The following SATB2 variants were observed in gnomAD, a reference collection of about 807,000 sequenced individuals.
SATB2 encodes DNA-binding protein SATB2.
Under a neutral mutation model 73.4 loss-of-function variants are expected in SATB2, and 1 was observed. The ratio of observed to expected loss-of-function variants is 0.01; its 90% CI spans 0.00 to 0.06. The LOEUF is 0.06. Among genes scored for constraint, SATB2 ranks in the 10% least tolerant of loss-of-function variants. The pLI, the probability that SATB2 is intolerant of heterozygous loss-of-function variation, is 1.00. For synonymous variants in SATB2, 397 were observed against 367.0 expected (o/e 1.08, Z -0.93); for missense variants, 459 against 945.8 (o/e 0.49, Z 6.75).
intron 5 of SATB2, among the ~76,000 whole-genome samples, chr2:199,379,673 TTTTCTTTTC>T (rs1417932881): frequency 1.8e-5 from 2 of 108,854 alleles, no homozygotes; most frequent in African/African-American, 3.1e-5. Context: ...GTCTATTTTC[TTTTCTTTTC>T]TTTTTTTTTT....
chr2:199,444,225 T>C (rs537362021), intron 2 of SATB2, among the ~76,000 whole-genome samples: 1 of 152,234 alleles, frequency 6.6e-6, no homozygotes, highest in South Asian at 2.1e-4. Context: ...GGAAACCTTA[T>C]GTTCATCCTG....
intron 3 of SATB2, among the ~76,000 whole-genome samples, chr2:199,417,392 T>C (rs1691026487): frequency 1.3e-5 from 2 of 152,284 alleles, no homozygotes; most frequent in African/African-American, 4.8e-5. Flanking sequence ...TAGTCCCAGA[T>C]GTGCTTTGAG....
At chr2:199,338,292 C>A (rs969495312) in intron 7 of SATB2, among the ~76,000 whole-genome samples, 2 of 151,506 alleles carry the variant, frequency 1.3e-5, no homozygotes, top group Admixed American at 6.6e-5. Context: ...CACTTGAACT[C>A]GGGAGGCAGA....
intron 10 of SATB2, among the ~76,000 whole-genome samples, chr2:199,304,063 T>C (rs920255282): frequency 5.9e-5 from 9 of 152,174 alleles, no homozygotes; most frequent in Non-Finnish European, 1.2e-4. Flanking sequence ...TCTTCTCTCC[T>C]GCATGAGGGA....
chr2:199,401,217 T>C (rs1690463767), intron 3 of SATB2, among the ~76,000 whole-genome samples: 1 of 151,812 alleles, frequency 6.6e-6, no homozygotes, highest in African/African-American at 2.4e-5. Flanking sequence ...AATAAGAAAA[T>C]ATATAATTAA....
At chr2:199,458,507 G>A (rs1293964890), upstream of SATB2, 2 of 377,106 alleles carry the variant, frequency 5.3e-6, no homozygotes, top group South Asian at 3.7e-5. Context: ...GGCGCAGGCG[G>A]GCACCGGGGC....
At chr2:199,410,924 A>G (rs1205349721) in intron 3 of SATB2, among the ~76,000 whole-genome samples, 1 of 152,194 alleles carries the variant, frequency 6.6e-6, no homozygotes, top group Non-Finnish European at 1.5e-5. Flanking sequence ...TAAAACCATA[A>G]AATTCCCTTC....
At chr2:199,379,717 G>A (rs1303090257) in intron 5 of SATB2, among the ~76,000 whole-genome samples, 1 of 128,740 alleles carries the variant, frequency 7.8e-6, no homozygotes, top group Non-Finnish European at 1.6e-5. Context: ...ACAGGGTCTC[G>A]CTATCTTGCT....
intron 10 of SATB2, among the ~76,000 whole-genome samples, chr2:199,294,021 T>C (rs945174191): frequency 1.3e-5 from 2 of 152,200 alleles, no homozygotes; most frequent in Non-Finnish European, 2.9e-5. Context: ...TAATATCATA[T>C]GTTTGATCTG....
At chr2:199,436,892 C>G (rs1462234782) in intron 2 of SATB2, among the ~76,000 whole-genome samples, 1 of 148,222 alleles carries the variant, frequency 6.7e-6, no homozygotes, top group Non-Finnish European at 1.5e-5. Flanking sequence ...CAACTCGTCC[C>G]AGGCAAAAAG....
intron 2 of SATB2, among the ~76,000 whole-genome samples, chr2:199,448,192 CTATTAAAT>C (rs1692019576): frequency 6.6e-6 from 1 of 152,058 alleles, no homozygotes; most frequent in South Asian, 2.1e-4. Flanking sequence ...CGTCAGTAAG[CTATTAAAT>C]ATATCAATTT....
chr2:199,386,694 AAGCGCGCG>A lies in SATB2; in HGVS notation c.347-4882_347-4875del, dbSNP rs55725800. 3.9e-3 allele frequency among the ~76,000 whole-genome samples: 563 copies of A among 142,798 alleles called. 8 individuals are homozygous for A. Among genetic ancestry groups the A allele is most frequent in the East Asian group, 0.01 (49 of 4,676 alleles). 93.7% of individuals were successfully genotyped at this position (142,798 alleles called of 152,430 possible). A position where few individuals can be genotyped will look rare whatever the true frequency, so the allele number is the denominator to read the frequency against. On this transcript the variant is annotated intron_variant, in intron 3 of 10. Transcript: ENST00000417098. The stretch of plus-strand genomic sequence containing the variant: ...TAGGAAATATTTCATACACGTGCGC[AAGCGCGCG>A]CGCGCGCGCGCGCGCACACACACAC...
chr2:199,305,188 G>C (rs558044990), intron 10 of SATB2, among the ~76,000 whole-genome samples: 1 of 152,252 alleles, frequency 6.6e-6, no homozygotes, highest in East Asian at 1.9e-4. Flanking sequence ...TCAGAGGAGG[G>C]GAGACAGGGA....
At chr2:199,305,977 T>C (rs1687421384) in intron 10 of SATB2, among the ~76,000 whole-genome samples, 1 of 152,172 alleles carries the variant, frequency 6.6e-6, no homozygotes, top group Admixed American at 6.5e-5. Flanking sequence ...ACATTTCCTA[T>C]CTAATTAGAC....
At chr2:199,414,989 A>C (rs376886856) in intron 3 of SATB2, among the ~76,000 whole-genome samples, 118 of 152,326 alleles carry the variant, frequency 7.7e-4, no homozygotes, top group African/African-American at 2.8e-3. Context: ...AGCACTGAAG[A>C]AGCATGAAGT....
At chr2:199,353,793 A>G (rs531264519) in intron 6 of SATB2, among the ~76,000 whole-genome samples, 1 of 152,240 alleles carries the variant, frequency 6.6e-6, no homozygotes, top group Non-Finnish European at 1.5e-5. Context: ...ACACAGACCT[A>G]ACAGCAGTGC....
At chr2:199,290,304 C>T (rs1692818690) in intron 10 of SATB2, among the ~76,000 whole-genome samples, 1 of 152,230 alleles carries the variant, frequency 6.6e-6, no homozygotes, top group African/African-American at 2.4e-5. Context: ...TAGCTATCTG[C>T]TCTCATATCT....
At chr2:199,334,049 C>A (rs983533200) in intron 7 of SATB2, among the ~76,000 whole-genome samples, 1 of 152,008 alleles carries the variant, frequency 6.6e-6, no homozygotes, top group African/African-American at 2.4e-5. Context: ...AAACATGTAC[C>A]TTTTGAAGTA....
chr2:199,470,449 T>C (rs1408312763), intron 1 of SATB2: 3 of 151,992 alleles, frequency 2.0e-5, no homozygotes, highest in Non-Finnish European at 2.9e-5. Flanking sequence ...CCAGGAGAGG[T>C]TGGGTGACAC....
Sources: gnomAD v4.1 joint callset for allele counts (sites outside exome capture counted in the v4.1 genomes callset) on GRCh38, gnomAD v4.1.1 for gene constraint, MANE v1.5 for transcripts, NCBI Gene and HGNC (gene_info 2026-07-23, HGNC 2026-07-21) for gene names.